SMAD6: variants seen among roughly 807,000 people sequenced by gnomAD.
SMAD6 encodes SMAD family member 6, also known as MAD homolog 6.
A neutral mutation model predicts 39.4 loss-of-function variants in SMAD6; 103 were observed. The observed-to-expected ratio is 2.62, with a 90% CI of 2.23 to 3.08. SMAD6 has a LOEUF of 3.08. Ranked by LOEUF, SMAD6 falls within the 30% of genes most tolerant of loss-of-function variation. The pLI is 0.00. For missense variants in SMAD6, 1,104 were observed against 742.9 expected, an observed-to-expected ratio of 1.49 and a Z score of -5.65; for synonymous variants, 445 against 353.3, an observed-to-expected ratio of 1.26 and a Z score of -2.91.
At chr15:66,721,257 C>T (rs1456736777) in intron 3 of SMAD6, among the ~76,000 whole-genome samples, 1 of 152,094 alleles carries the variant, frequency 6.6e-6, no homozygotes, top group Non-Finnish European at 1.5e-5. Flanking sequence ...CTGTGCCTGC[C>T]GTTTGCCCAT....
intron 3 of SMAD6, among the ~76,000 whole-genome samples, chr15:66,738,914 G>C (rs1893764076): frequency 1.3e-5 from 2 of 152,094 alleles, no homozygotes; most frequent in Admixed American, 6.5e-5. Flanking sequence ...TCTGGGTCCT[G>C]TATCACCTGA....
chr15:66,769,921 G>A (rs568683165), intron 3 of SMAD6, among the ~76,000 whole-genome samples: 4 of 152,174 alleles, frequency 2.6e-5, no homozygotes, highest in African/African-American at 9.6e-5. Context: ...TCTACCTCCC[G>A]GGTTCAAGCG....
Position 66,743,850 on chromosome 15 carries a change from T to C in SMAD6, c.952+27352T>C, listed in dbSNP as rs568019498. 3.9e-5 allele frequency among the ~76,000 whole-genome samples: 6 copies of C among 152,348 alleles called. No homozygotes were observed. The East Asian group carries it at 9.6e-4, about 24-fold the overall frequency. ...GCAATACTGAAAACATTGTCTTCAATTCAACACATAGTCTGTGATTTTTGA... is the reference window on the plus strand; with the variant it reads ...GCAATACTGAAAACATTGTCTTCAACTCAACACATAGTCTGTGATTTTTGA... On this transcript the variant is annotated intron_variant, in intron 3 of 3. Coordinates refer to ENST00000288840, the MANE Select transcript of SMAD6 (RefSeq NM_005585.5).
rs866452394 is a variant in SMAD6 at position 66,747,077 on chromosome 15, C to T, written c.952+30579C>T. On this transcript the variant is annotated intron_variant, in intron 3 of 3. Transcript: ENST00000288840. The surrounding 1 kb of genome is among the most constrained non-coding windows in gnomAD (Gnocchi z 4.5). ...AATAGCACTAATACATAAATTTCTTCTGGCTTGATTTTCATTTTACAAAAA... is the reference window on the plus strand; with the variant it reads ...AATAGCACTAATACATAAATTTCTTTTGGCTTGATTTTCATTTTACAAAAA... 6.6e-6 allele frequency among the ~76,000 whole-genome samples: 1 copy of T among 152,214 alleles called. No individual in the cohort carries two copies. The highest frequency in any genetic ancestry group is 1.5e-5 in the Non-Finnish European group (1 of 68,038).
At chr15:66,720,095 A>G (rs984663693) in intron 3 of SMAD6, among the ~76,000 whole-genome samples, 1 of 152,172 alleles carries the variant, frequency 6.6e-6, no homozygotes, top group Non-Finnish European at 1.5e-5. Context: ...CTGACTGTCC[A>G]AGGCCCCTGT....
At chr15:66,742,677 C>T (rs1167164174) in intron 3 of SMAD6, among the ~76,000 whole-genome samples, 1 of 152,108 alleles carries the variant, frequency 6.6e-6, no homozygotes. Context: ...TGATTGGCTA[C>T]GTACTCCCTC....
chr15:66,775,398 T>C (rs888209766), intron 3 of SMAD6, among the ~76,000 whole-genome samples: 2 of 152,184 alleles, frequency 1.3e-5, no homozygotes, highest in Non-Finnish European at 2.9e-5. Context: ...TCTGAGCTGG[T>C]TTCTGGGTTT....
At chr15:66,754,682 A>C (rs1894066786) in intron 3 of SMAD6, among the ~76,000 whole-genome samples, 1 of 152,180 alleles carries the variant, frequency 6.6e-6, no homozygotes, top group Non-Finnish European at 1.5e-5. Context: ...TGTCTCCCAG[A>C]ATCCTTATAA....
intron 3 of SMAD6, among the ~76,000 whole-genome samples, chr15:66,743,858 A>G (rs1458254164): frequency 1.3e-5 from 2 of 152,094 alleles, no homozygotes; most frequent in East Asian, 3.9e-4. Flanking sequence ...AATTCAACAC[A>G]TAGTCTGTGA....
rs933487053 is a variant in SMAD6, at chr15:66,703,779, C to T, written c.521C>T (p.Thr174Ile). 2.6e-5 allele frequency: 37 copies of T among 1,434,934 alleles called. No homozygotes were observed. Among genetic ancestry groups the T allele is most frequent in the African/African-American group, 1.2e-4 (8 of 67,754 alleles). The allele number at this position is 1,434,934 out of a possible 1,614,324, so 88.9% of individuals were successfully genotyped here. ...CTGCTGCTGGAGCAGGAACTCAAAA[C>T]CGTCACGTACTCGCTGCTGAAGCGG... ...RLLLLEQELK[T>I]VTYSLLKRLK... The change falls in exon 1 of 4, where the codon ACC becomes ATC. Residue 174 changes from threonine (T) to isoleucine (I), a missense_variant. Transcript: ENST00000288840.
rs561810332 is a variant in SMAD6 at position 66,713,469 on chromosome 15, G to A, written c.874+1745G>A. Among the ~76,000 whole-genome samples the A allele has an allele frequency of 4.3e-3, 662 of 152,236 alleles. 7 individuals are homozygous for A. The highest frequency in any genetic ancestry group is 0.015 in the African/African-American group (634 of 41,520). ...CAAGTAGCTGGGACTGCAGGCACGC[G>A]CCACCACGCCTGGCTAATTTTTGTA... is the stretch of plus-strand genomic sequence containing the variant. On this transcript the variant is annotated intron_variant, in intron 2 of 3. Coordinates refer to ENST00000288840, the MANE Select transcript of SMAD6 (RefSeq NM_005585.5).
Position 66,731,213 on chromosome 15 carries a change from C to T in SMAD6, c.952+14715C>T, listed in dbSNP as rs947343363. Among the ~76,000 whole-genome samples, 362 of 151,864 alleles carry T rather than the reference C, an allele frequency of 2.4e-3. 1 individual carries two copies. Among genetic ancestry groups the T allele is most frequent in the African/African-American group, 7.9e-3 (328 of 41,426 alleles). Reference sequence around the variant, plus strand: ...CAGCACTTTGGGAGGCCGAGGCGGGCGGATCACGAGGTCAGGAGATCGAGA... The same window carrying T: ...CAGCACTTTGGGAGGCCGAGGCGGGTGGATCACGAGGTCAGGAGATCGAGA... On this transcript the variant is annotated intron_variant, in intron 3 of 3. Coordinates refer to ENST00000288840, the MANE Select transcript of SMAD6 (RefSeq NM_005585.5).
In SMAD6 at chr15:66,703,486, C is replaced by CT. The variant is rs1893025876; in HGVS notation, c.228_229insT (p.Ala77CysfsTer44). On this transcript the variant is annotated frameshift_variant, in exon 1 of 4. Transcript: ENST00000288840. LOFTEE classifies it high-confidence loss of function. ...CCCGGGACGCAGTGGGACAGCGAGGCGCCCAGGGCGCGGGGAGGCGCCGGC... is the reference window on the plus strand; with the variant it reads ...CCCGGGACGCAGTGGGACAGCGAGGCTGCCCAGGGCGCGGGGAGGCGCCGGC... The CT allele has an allele frequency of 8.1e-7, 1 of 1,234,140 alleles. No homozygotes were observed. The highest frequency in any genetic ancestry group is 1.6e-5 in the African/African-American group (1 of 63,762). 76.4% of individuals were successfully genotyped at this position (1,234,140 alleles called of 1,614,324 possible). A position where few individuals can be genotyped will look rare whatever the true frequency, so the allele number is the denominator to read the frequency against.
intron 3 of SMAD6, among the ~76,000 whole-genome samples, chr15:66,751,276 T>C (rs906811476): frequency 6.6e-6 from 1 of 152,176 alleles, no homozygotes; most frequent in Non-Finnish European, 1.5e-5. Flanking sequence ...GTGGGGCCAG[T>C]CCCAGCTCGG....
chr15:66,714,883 A>G (rs1893297501), intron 2 of SMAD6, among the ~76,000 whole-genome samples: 1 of 152,182 alleles, frequency 6.6e-6, no homozygotes, highest in Admixed American at 6.5e-5. Flanking sequence ...TGTTGGCTGT[A>G]AGGCAGTTCA....
intron 3 of SMAD6, among the ~76,000 whole-genome samples, chr15:66,734,268 A>T (rs148539073): frequency 3.9e-4 from 60 of 152,258 alleles, no homozygotes; most frequent in African/African-American, 1.3e-3. Flanking sequence ...CTGAGTGTGG[A>T]GTTTAAAGGC....
chr15:66,757,437 A>G (rs767683002), intron 3 of SMAD6, among the ~76,000 whole-genome samples: 6 of 152,162 alleles, frequency 3.9e-5, no homozygotes, highest in Non-Finnish European at 7.4e-5. Context: ...GACAGCGGAC[A>G]CATTATTTAG....
At chr15:66,772,189 T>C (rs1213424010) in intron 3 of SMAD6, among the ~76,000 whole-genome samples, 1 of 152,218 alleles carries the variant, frequency 6.6e-6, no homozygotes, top group Non-Finnish European at 1.5e-5. Context: ...ACAGGAGTAA[T>C]GCAAAGAGTC....
intron 3 of SMAD6, among the ~76,000 whole-genome samples, chr15:66,768,968 G>C (rs1894335540): frequency 1.3e-5 from 2 of 152,220 alleles, no homozygotes; most frequent in African/African-American, 4.8e-5. Flanking sequence ...GCATAAATTT[G>C]AGTGTCACAG....
Sources: allele counts gnomAD v4.1 joint callset (sites outside exome capture counted in the v4.1 genomes callset), GRCh38; gene constraint gnomAD v4.1.1; non-coding constraint Gnocchi (gnomAD v3.1); transcripts MANE v1.5; gene names NCBI Gene and HGNC (gene_info 2026-07-23, HGNC 2026-07-21).